The following IQANK1 variants were observed in gnomAD, a reference collection of about 807,000 sequenced individuals.
IQANK1 encodes the protein IQ motif and ankyrin repeat domain-containing protein 1.
Under a neutral mutation model 22.6 loss-of-function variants are expected in IQANK1, and 30 were observed. That is an observed-to-expected ratio of 1.33 (90% CI 0.99 to 1.80). IQANK1 has a LOEUF of 1.80. Among genes scored for constraint, IQANK1 ranks in the 40% most tolerant of loss-of-function variants. IQANK1 has a pLI of 0.00. For synonymous variants in IQANK1, 122 were observed against 99.6 expected (o/e 1.23, Z -1.34); for missense variants, 275 against 235.2 (o/e 1.17, Z -1.11).
At chr8:143,781,790 C>G (rs1819801273) in intron 7 of IQANK1, among the ~76,000 whole-genome samples, 1 of 152,128 alleles carries the variant, frequency 6.6e-6, no homozygotes, top group Non-Finnish European at 1.5e-5. Context: ...ATTGCCTTGG[C>G]TATTTGGGCT....
intron 7 of IQANK1, among the ~76,000 whole-genome samples, chr8:143,787,943 C>G (rs1819926509): frequency 6.6e-6 from 1 of 152,202 alleles, no homozygotes; most frequent in African/African-American, 2.4e-5. Flanking sequence ...TTGTGGCACC[C>G]ACCTTCAGCC....
At chr8:143,750,080 C>T (rs1403545679) in intron 3 of IQANK1, among the ~76,000 whole-genome samples, 1 of 152,026 alleles carries the variant, frequency 6.6e-6, no homozygotes, top group Non-Finnish European at 1.5e-5. Flanking sequence ...TCTCGGCTCA[C>T]TGCAACCTCT....
chr8:143,755,450 G>A (rs782513660), intron 3 of IQANK1, among the ~76,000 whole-genome samples: 5 of 152,042 alleles, frequency 3.3e-5, no homozygotes, highest in South Asian at 2.1e-4. Context: ...TGCAACCTCC[G>A]CCTCCCAGGT....
chr8:143,766,283 G>A lies in IQANK1; in HGVS notation c.176-5205G>A, dbSNP rs945986756. Among the ~76,000 whole-genome samples, 22 of 151,998 alleles carry A rather than the reference G, an allele frequency of 1.4e-4. No homozygotes were observed. In the South Asian group the frequency reaches 3.1e-3, roughly 21 times the overall value. ...CTTTGTAGTATTTCCCAATATATTC[G>A]GAATACAAACCTTTTGTCAGTTACA... On this transcript the variant is annotated intron_variant, in intron 3 of 13. Transcript: ENST00000527139.
intron 3 of IQANK1, among the ~76,000 whole-genome samples, chr8:143,748,830 T>A (rs139558674): frequency 0.027 from 2,279 of 83,754 alleles, 84 homozygotes; most frequent in African/African-American, 0.051. Context: ...AAATATATAT[T>A]TCATATATAA....
intron 3 of IQANK1, among the ~76,000 whole-genome samples, chr8:143,760,843 G>A (rs1405076456): frequency 3.3e-5 from 5 of 152,214 alleles, no homozygotes; most frequent in Non-Finnish European, 7.3e-5. Context: ...TTCTGCGCTC[G>A]GCATCGCGGC....
chr8:143,790,038 A>G lies in IQANK1; in HGVS notation c.1263A>G (p.Val421=), dbSNP rs1819995045. 10 of 1,232,114 alleles carry G rather than the reference A, an allele frequency of 8.1e-6. No homozygotes were observed. The highest frequency in any genetic ancestry group is 4.1e-5 in the South Asian group (1 of 24,320). The allele number at this position is 1,232,114 out of a possible 1,614,324, so 76.3% of individuals were successfully genotyped here. ...TELHDVLMKD[V]GNRIRADGRW... is the part of the protein sequence containing the mutation. ...TGCACGATGTGCTGATGAAAGATGT[A>G]GGCAACCGCATCCGTGCCGATGGCC... Residue 421 remains valine, a synonymous_variant, in exon 12 of 14, where the codon GTA becomes GTG. Transcript: ENST00000527139.
intron 7 of IQANK1, among the ~76,000 whole-genome samples, chr8:143,788,012 T>C (rs990608766): frequency 6.6e-6 from 1 of 152,180 alleles, no homozygotes; most frequent in African/African-American, 2.4e-5. Flanking sequence ...GGGCCCCGAC[T>C]GTTTCGCAGG....
rs1554625576 is a variant in IQANK1 at position 143,735,823 on chromosome 8, C to T, written c.-4-27C>T. On this transcript the variant is annotated intron_variant, in intron 1 of 13. Transcript: ENST00000527139. This position sits in a 1 kb window ranked among gnomAD's most constrained non-coding sequence, Gnocchi z 5.2. ...CCTCTGCCACTCTGAGCACCCTCTCCCTGGTCCTTCCCTACCCACCCCCCA... is the reference window on the plus strand; with the variant it reads ...CCTCTGCCACTCTGAGCACCCTCTCTCTGGTCCTTCCCTACCCACCCCCCA... 2 of 702,446 alleles carry T rather than the reference C, an allele frequency of 2.8e-6. No individual in the cohort carries two copies. Among genetic ancestry groups the T allele is most frequent in the Non-Finnish European group, 5.2e-6 (2 of 384,752 alleles). The allele number at this position is 702,446 out of a possible 1,614,324, so 43.5% of individuals were successfully genotyped here.
chr8:143,787,613 C>G (rs1340583123), intron 7 of IQANK1, among the ~76,000 whole-genome samples: 5 of 152,220 alleles, frequency 3.3e-5, no homozygotes, highest in Non-Finnish European at 7.3e-5. Flanking sequence ...CCTGTTTGCA[C>G]TTGTCTGTGG....
intron 7 of IQANK1, among the ~76,000 whole-genome samples, chr8:143,777,530 A>C (rs1471940212): frequency 2.0e-5 from 3 of 150,942 alleles, no homozygotes; most frequent in East Asian, 1.9e-4. Context: ...TAAAAAAAAA[A>C]AAAAAAAAAC....
Position 143,789,749 on chromosome 8 carries a change from C to T in IQANK1, c.1087-12C>T. 8.1e-7 allele frequency: 1 copy of T among 1,231,824 alleles called. No homozygotes were observed. Among genetic ancestry groups the T allele is most frequent in the Non-Finnish European group, 1.0e-6 (1 of 987,856 alleles). The allele number at this position is 1,231,824 out of a possible 1,614,324, so 76.3% of individuals were successfully genotyped here. On this transcript the variant is annotated splice_polypyrimidine_tract_variant and intron_variant, in intron 10 of 13. Transcript: ENST00000527139. ...GGCAGGGCAAGCAAGTCAGTGTGGC[C>T]TCCTCCTCCAGGCCATCAAGGACAC...
chr8:143,769,922 C>T (rs1252156375), intron 3 of IQANK1, among the ~76,000 whole-genome samples: 1 of 152,200 alleles, frequency 6.6e-6, no homozygotes, highest in East Asian at 1.9e-4. Context: ...TTTCTTCTAA[C>T]ATTTAGTGTT....
chr8:143,790,408 C>T lies in IQANK1; in HGVS notation c.1483C>T (p.Arg495Trp), dbSNP rs192822762. 718 of 804,198 alleles carry T rather than the reference C, an allele frequency of 8.9e-4. 4 individuals are homozygous for T. In the East Asian group the frequency reaches 0.023, roughly 26 times the overall value. 49.8% of individuals were successfully genotyped at this position (804,198 alleles called of 1,614,324 possible). ...GGAAGACCTGTTCCCAGTCGTGCAGCGGCAGCTGGAGGCGGTGCAGGAGAG... is the reference window on the plus strand; with the variant it reads ...GGAAGACCTGTTCCCAGTCGTGCAGTGGCAGCTGGAGGCGGTGCAGGAGAG... ...REEDLFPVVQ[R>W]QLEAVQERYL... Residue 495 changes from arginine (R) to tryptophan (W), a missense_variant, in exon 14 of 14, where the codon CGG becomes TGG. Arg to Trp is a moderately radical substitution (Grantham distance 101). Coordinates refer to ENST00000527139, the MANE Select transcript of IQANK1 (RefSeq NM_001381874.1).
intron 7 of IQANK1, among the ~76,000 whole-genome samples, chr8:143,781,931 G>A (rs1292432028): frequency 6.6e-6 from 1 of 152,204 alleles, no homozygotes; most frequent in African/African-American, 2.4e-5. Flanking sequence ...TAATGGTATT[G>A]ATTCTTCCTA....
chr8:143,759,615 T>TGATGC (rs1819357353), intron 3 of IQANK1: 1 of 152,154 alleles, frequency 6.6e-6, no homozygotes, highest in Non-Finnish European at 1.5e-5. Context: ...GCAGGTGCAG[T>TGATGC]TGGAATAGCC....
rs1247639271 is a variant in IQANK1, at chr8:143,739,956, C to T, written c.175+8C>T. ...GCCCACAGGCCCCCACAGGTGAGAG[C>T]CCGCACGTCCCGCGCCGCTGTGGGT... On this transcript the variant is annotated splice_region_variant and intron_variant, in intron 3 of 13. Transcript: ENST00000527139. 2 of 685,672 alleles carry T rather than the reference C, an allele frequency of 2.9e-6. No individual in the cohort carries two copies. The highest frequency in any genetic ancestry group is 4.1e-5 in the Admixed American group (2 of 48,494). 42.5% of individuals were successfully genotyped at this position (685,672 alleles called of 1,614,324 possible).
intron 3 of IQANK1, chr8:143,760,540 GT>G (rs1819376793): frequency 6.6e-6 from 1 of 150,620 alleles, no homozygotes; most frequent in Admixed American, 6.6e-5. Context: ...TTAGCCAGGC[GT>G]TGATAATGGC....
intron 1 of IQANK1, among the ~76,000 whole-genome samples, chr8:143,734,483 C>T (rs1425243182): frequency 6.6e-6 from 1 of 151,550 alleles, no homozygotes; most frequent in Non-Finnish European, 1.5e-5. Context: ...CGCAGTGACC[C>T]CCCCATGCAC....
Sources: allele counts gnomAD v4.1 joint callset (sites outside exome capture counted in the v4.1 genomes callset), GRCh38; gene constraint gnomAD v4.1.1; non-coding constraint Gnocchi (gnomAD v3.1); transcripts MANE v1.5; gene names NCBI Gene and HGNC (gene_info 2026-07-23, HGNC 2026-07-21).